Variants in AHCTF1 observed in about 807,000 individuals in gnomAD.
AHCTF1 encodes the protein protein ELYS.
A neutral mutation model predicts 248.4 loss-of-function variants in AHCTF1; 24 were observed. The ratio of observed to expected loss-of-function variants is 0.10; its 90% CI spans 0.07 to 0.14. AHCTF1 has a LOEUF of 0.14. Among genes scored for constraint, AHCTF1 ranks in the 10% least tolerant of loss-of-function variants. The pLI is 1.00. For synonymous variants in AHCTF1, 786 were observed against 929.8 expected (o/e 0.85, Z 2.81); for missense variants, 2,206 against 2,636.2 (o/e 0.84, Z 3.57).
chr1:246,874,715 A>C (rs12032354), intron 24 of AHCTF1, among the ~76,000 whole-genome samples: 32,087 of 152,078 alleles, frequency 0.21, 3,749 homozygotes, highest in East Asian at 0.32. Flanking sequence ...ACCAGCCATT[A>C]CAACCTATCC....
At chr1:246,849,575 G>T (rs1387121965) in intron 33 of AHCTF1, 40 bp downstream of exon 33, 2 of 1,553,928 alleles carry the variant, frequency 1.3e-6, no homozygotes, top group African/African-American at 1.4e-5. Context: ...GCTGAAGAGT[G>T]ACTGAGATGA....
In AHCTF1 at chr1:246,887,276, C is replaced by T; in HGVS notation, c.2407G>A (p.Ala803Thr). 4 of 1,613,288 alleles carry T rather than the reference C, an allele frequency of 2.5e-6. No individual in the cohort carries two copies. The highest frequency in any genetic ancestry group is 3.4e-6 in the Non-Finnish European group (4 of 1,179,620). Reference protein sequence around the residue: ...TPIESFPTVFAISWGQVKLIQ... With the variant: ...TPIESFPTVFTISWGQVKLIQ... ...AGTTTAACTTGGCCCCAAGAAATGGCAAATACAGTTGGGAAAGATTCAATG... is the reference window on the plus strand; with the variant it reads ...AGTTTAACTTGGCCCCAAGAAATGGTAAATACAGTTGGGAAAGATTCAATG... The change falls in exon 20 of 36, where the codon GCC becomes ACC. Residue 803 changes from alanine (A) to threonine (T), a missense_variant. By Grantham distance (58) the Ala-to-Thr change is moderately conservative. Transcript: ENST00000648844.
intron 35 of AHCTF1, 125 bp downstream of exon 35, chr1:246,842,569 G>A (rs969097784): frequency 3.3e-5 from 22 of 676,394 alleles, no homozygotes; most frequent in East Asian, 7.4e-5. Context: ...GTGACAGACC[G>A]AGACTCTGTC....
At position 246,877,001 on chromosome 1, in the gene AHCTF1, G is replaced by A. The variant is rs749625852; in HGVS notation, c.2886C>T (p.Ala962=). The A allele has an allele frequency of 7.4e-6, 12 of 1,611,890 alleles. No homozygotes were observed. In the East Asian group the frequency reaches 2.5e-4, roughly 33 times the overall value. ...EFLLVHHLQR[A]NYVPALKLNQ... The stretch of plus-strand genomic sequence containing the variant: ...TCAGCTTCAAGGCAGGCACATAATT[G>A]GCACGCTGCAAATGGTGCACTAAAA... Residue 962 remains alanine, a synonymous_variant, in exon 23 of 36, where the codon GCC becomes GCT. Transcript: ENST00000648844.
At chr1:246,885,130 A>G (rs562812120) in intron 21 of AHCTF1, among the ~76,000 whole-genome samples, 4 of 152,354 alleles carry the variant, frequency 2.6e-5, no homozygotes, top group East Asian at 1.9e-4. Context: ...TTTTCTTAAC[A>G]TTGGAAGACC....
In AHCTF1 at chr1:246,877,263, G is replaced by A; in HGVS notation, c.2700C>T (p.Cys900=). The change falls in exon 22 of 36, where the codon TGC becomes TGT. Residue 900 remains cysteine, a synonymous_variant. Transcript: ENST00000648844. Reference sequence around the variant, plus strand: ...GTAACTCCTCTATATTCAACCTATTGCAATGTTGCCGCAAAAAATTCCAGG... The same window carrying A: ...GTAACTCCTCTATATTCAACCTATTACAATGTTGCCGCAAAAAATTCCAGG... ...VEAWNFLRQH[C]NRLNIEELLK... 1 of 1,605,760 alleles carries A rather than the reference G, an allele frequency of 6.2e-7. No individual in the cohort carries two copies.
chr1:246,902,472 C>A, intron 8 of AHCTF1, 53 bp downstream of exon 8: 2 of 1,558,624 alleles, frequency 1.3e-6, no homozygotes, highest in South Asian at 1.2e-5. Context: ...TAACACCTGT[C>A]ATAAATTTTA....
intron 5 of AHCTF1, among the ~76,000 whole-genome samples, chr1:246,906,399 G>A (rs1442101176): frequency 1.3e-5 from 2 of 151,602 alleles, no homozygotes; most frequent in Non-Finnish European, 2.9e-5. Context: ...CCAACAAGGT[G>A]AAAATCCGTC....
chr1:246,920,635 T>C (rs1343849391), intron 1 of AHCTF1, among the ~76,000 whole-genome samples: 1 of 151,758 alleles, frequency 6.6e-6, no homozygotes, highest in Non-Finnish European at 1.5e-5. Context: ...CCGAGCGTGG[T>C]GGCGGGCGCC....
chr1:246,862,137 G>A lies in AHCTF1; in HGVS notation c.3557C>T (p.Ala1186Val), dbSNP rs1009178673. The A allele has an allele frequency of 1.9e-6, 3 of 1,606,824 alleles. No individual in the cohort carries two copies. Among genetic ancestry groups the A allele is most frequent in the African/African-American group, 2.7e-5 (2 of 74,368 alleles). ...PLVVKKAKSLAMSVTTSGFSE... is the reference protein window; with the variant it reads ...PLVVKKAKSLVMSVTTSGFSE... ...AAATCCAGAAGTAGTAACTGACATG[G>A]CCAAACTTTTAGCTTTCTATAGTAA... Residue 1186 changes from alanine to valine, a missense_variant, in exon 28 of 36, where the codon GCC becomes GTC. This residue lies in a region of AHCTF1 where 955 missense variants were observed against 1,055.6 expected (regional missense o/e 0.90). Transcript: ENST00000648844.
Position 246,868,980 on chromosome 1 carries a change from G to T in AHCTF1, c.3089-1169C>A, listed in dbSNP as rs1425511756. Among the ~76,000 whole-genome samples, 10 of 143,094 alleles carry T rather than the reference G, an allele frequency of 7.0e-5. 1 individual carries two copies. The South Asian group carries it at 1.9e-3, about 27-fold the overall frequency. 93.9% of individuals were successfully genotyped at this position (143,094 alleles called of 152,430 possible). On this transcript the variant is annotated intron_variant, in intron 24 of 35. Coordinates refer to ENST00000648844, the MANE Select transcript of AHCTF1 (RefSeq NM_001323342.2). Reference sequence around the variant, plus strand: ...CTGCCTCAGCCTGCTGAGTAGCTGGGACTACAGGCGCCCGCCACCATGCCT... The same window carrying T: ...CTGCCTCAGCCTGCTGAGTAGCTGGTACTACAGGCGCCCGCCACCATGCCT...
In AHCTF1 at chr1:246,851,163, G is replaced by C; in HGVS notation, c.4843C>G (p.Pro1615Ala). The C allele has an allele frequency of 6.2e-7, 1 of 1,613,736 alleles. No homozygotes were observed. Among genetic ancestry groups the C allele is most frequent in the Non-Finnish European group, 8.5e-7 (1 of 1,179,800 alleles). Reference protein sequence around the residue: ...PGDFASSDVLPKAANTATEEK... With the variant: ...PGDFASSDVLAKAANTATEEK... Reference sequence around the variant, plus strand: ...TCAGTTGCTGTGTTAGCTGCTTTAGGTAACACATCAGATGATGCAAAATCA... The same window carrying C: ...TCAGTTGCTGTGTTAGCTGCTTTAGCTAACACATCAGATGATGCAAAATCA... Residue 1615 changes from proline (P) to alanine (A), a missense_variant, in exon 33 of 36, where the codon CCT becomes GCT. This residue lies in a region of AHCTF1 where 955 missense variants were observed against 1,055.6 expected (regional missense o/e 0.90). Coordinates refer to ENST00000648844, the MANE Select transcript of AHCTF1 (RefSeq NM_001323342.2).
intron 3 of AHCTF1, among the ~76,000 whole-genome samples, 177 bp from the exon 4 acceptor site, chr1:246,913,589 C>G (rs1157345106): frequency 1.3e-5 from 2 of 152,180 alleles, no homozygotes; most frequent in African/African-American, 4.8e-5. Context: ...AGGAATTACA[C>G]CATTACTCAA....
At chr1:246,869,978 C>A (rs545799428) in intron 24 of AHCTF1, among the ~76,000 whole-genome samples, 5 of 152,246 alleles carry the variant, frequency 3.3e-5, no homozygotes, top group Non-Finnish European at 5.9e-5. Context: ...ATTCACCATT[C>A]TAGATGCCAT....
intron 6 of AHCTF1, among the ~76,000 whole-genome samples, chr1:246,904,676 A>C (rs1333263414): frequency 2.0e-5 from 3 of 152,182 alleles, no homozygotes; most frequent in African/African-American, 7.2e-5. Context: ...GAAGATACTA[A>C]ATCAACCCTG....
At chr1:246,863,391 ACTTTAAAAATGGAAAG>A (rs778461601) in intron 27 of AHCTF1, among the ~76,000 whole-genome samples, 2 of 151,936 alleles carry the variant, frequency 1.3e-5, no homozygotes, top group African/African-American at 2.4e-5. Flanking sequence ...AAAAAACAAA[ACTTTAAAAATGGAAAG>A]GTTTAAAAAG....
rs552917477 is a variant in AHCTF1, at chr1:246,888,204, G to A, written c.2298C>T (p.Gly766=). ...HAVLDMYLLD[G]VTEAAKHSIT... is the part of the protein sequence containing the mutation. ...TAGAGTGTTTGGCTGCTTCAGTAAC[G>A]CCGTCTAATAGGTACATATCAAGTA... Residue 766 remains glycine (G), a synonymous_variant, in exon 19 of 36, where the codon GGC becomes GGT. Transcript: ENST00000648844. 14 of 1,613,944 alleles carry A rather than the reference G, an allele frequency of 8.7e-6. No homozygotes were observed. The highest frequency in any genetic ancestry group is 8.0e-5 in the African/African-American group (6 of 75,026).
chr1:246,867,896 C>G, intron 24 of AHCTF1, 85 bp from the exon 25 acceptor site: 1 of 563,350 alleles, frequency 1.8e-6, no homozygotes, highest in East Asian at 4.5e-5. Flanking sequence ...ATTACACCCC[C>G]CCCCCCACAC....
In AHCTF1 at chr1:246,913,425, A is replaced by C; in HGVS notation, c.376-13T>G. On this transcript the variant is annotated splice_polypyrimidine_tract_variant and intron_variant, in intron 3 of 35. Transcript: ENST00000648844. ...CAATAGCTGTTACCTAGAAAACATAATACGTGATTTGCTTTTCTTCTGCAA... is the reference window on the plus strand; with the variant it reads ...CAATAGCTGTTACCTAGAAAACATACTACGTGATTTGCTTTTCTTCTGCAA... The C allele has an allele frequency of 6.3e-7, 1 of 1,589,292 alleles. No homozygotes were observed. Among genetic ancestry groups the C allele is most frequent in the Non-Finnish European group, 8.6e-7 (1 of 1,166,398 alleles).
Sources: allele counts gnomAD v4.1 joint callset (sites outside exome capture counted in the v4.1 genomes callset), GRCh38; gene constraint gnomAD v4.1.1; regional missense constraint gnomAD v4.1.1; transcripts MANE v1.5; gene names NCBI Gene and HGNC (gene_info 2026-07-23, HGNC 2026-07-21).